PKP2: variants seen among roughly 807,000 people sequenced by gnomAD.
The protein encoded by PKP2 is plakophilin 2.
A neutral mutation model predicts 83.4 loss-of-function variants in PKP2; 73 were observed. The observed-to-expected ratio is 0.88, with a 90% CI of 0.72 to 1.06. The LOEUF is 1.06. PKP2 is among the 50% of genes least tolerant of loss of function. PKP2 has a pLI of 0.00. For synonymous variants in PKP2, 409 were observed against 430.4 expected (o/e 0.95, Z 0.62); for missense variants, 966 against 1,065.4 (o/e 0.91, Z 1.30).
intron 9 of PKP2, among the ~76,000 whole-genome samples, chr12:32,819,111 C>G (rs984171996): frequency 6.6e-6 from 1 of 151,802 alleles, no homozygotes; most frequent in Non-Finnish European, 1.5e-5. Context: ...AACCTCATCT[C>G]TACTAAAAAT....
intron 9 of PKP2, among the ~76,000 whole-genome samples, chr12:32,805,496 G>C (rs1956218895): frequency 6.6e-6 from 1 of 152,146 alleles, no homozygotes. Flanking sequence ...TACAAAGAAG[G>C]GGTCCAGTTT....
At chr12:32,824,966 C>G (rs1301812264) in intron 6 of PKP2, among the ~76,000 whole-genome samples, 1 of 152,076 alleles carries the variant, frequency 6.6e-6, no homozygotes, top group East Asian at 1.9e-4. Flanking sequence ...ATTATTGTTA[C>G]TACCTTCCTT....
At chr12:32,841,301 C>A in intron 5 of PKP2, 96 bp from the exon 6 acceptor site, 1 of 1,023,546 alleles carries the variant, frequency 9.8e-7, no homozygotes, top group Non-Finnish European at 1.5e-6. Context: ...AGGGCTATGA[C>A]TAGTCATAAA....
intron 6 of PKP2, among the ~76,000 whole-genome samples, chr12:32,837,356 C>G (rs1441792055): frequency 6.6e-6 from 1 of 152,194 alleles, no homozygotes; most frequent in Non-Finnish European, 1.5e-5. Context: ...CTCAACCTCT[C>G]TGAGGCTGTT....
Position 32,792,115 on chromosome 12 carries a change from TA to T in PKP2, c.*308del, listed in dbSNP as rs1956072854. On this transcript the variant is annotated 3_prime_UTR_variant, in exon 13 of 13. Transcript: ENST00000340811. ...CCAGTAATGCAACAGCTTCTTTCCT[TA>T]TTTATTGGATTAATGTCCCTTCCAC... is the stretch of plus-strand genomic sequence containing the variant. 1 of 411,254 alleles carries T rather than the reference TA, an allele frequency of 2.4e-6. No individual in the cohort carries two copies. The highest frequency in any genetic ancestry group is 2.3e-5 in the South Asian group (1 of 42,752). The allele number at this position is 411,254 out of a possible 1,614,324, so 25.5% of individuals were successfully genotyped here.
At chr12:32,794,412 T>C (rs1956102749) in intron 11 of PKP2, among the ~76,000 whole-genome samples, 1 of 152,206 alleles carries the variant, frequency 6.6e-6, no homozygotes, top group African/African-American at 2.4e-5. Flanking sequence ...AGGTCAGATA[T>C]ATAACACTCT....
chr12:32,857,990 G>C (rs1487422441), intron 4 of PKP2, among the ~76,000 whole-genome samples: 2 of 141,588 alleles, frequency 1.4e-5, no homozygotes, highest in Admixed American at 1.5e-4. Context: ...CACTTTGAGA[G>C]GCTGAGGTGA....
At chr12:32,871,599 G>A (rs191759726) in intron 3 of PKP2, among the ~76,000 whole-genome samples, 127 of 152,076 alleles carry the variant, frequency 8.4e-4, no homozygotes, top group African/African-American at 3.0e-3. Context: ...CAGAGTAGCT[G>A]GGATTACAAG....
chr12:32,827,724 G>A (rs1028656272), intron 6 of PKP2, among the ~76,000 whole-genome samples: 2 of 152,054 alleles, frequency 1.3e-5, no homozygotes, highest in Non-Finnish European at 2.9e-5. Flanking sequence ...TTACCTTATC[G>A]AAAATTAAAA....
chr12:32,806,734 T>C (rs997197698), intron 9 of PKP2, among the ~76,000 whole-genome samples: 20 of 142,142 alleles, frequency 1.4e-4, no homozygotes, highest in Non-Finnish European at 2.4e-4. Context: ...CACTCTGATC[T>C]TGGCTATTTC....
intron 4 of PKP2, among the ~76,000 whole-genome samples, chr12:32,868,444 T>C (rs1163278153): frequency 6.6e-6 from 1 of 152,196 alleles, no homozygotes; most frequent in Non-Finnish European, 1.5e-5. Flanking sequence ...CTTGAACTCC[T>C]TGCCTCAAGT....
intron 1 of PKP2, among the ~76,000 whole-genome samples, chr12:32,895,364 T>A (rs1957113137): frequency 6.6e-6 from 1 of 152,198 alleles, no homozygotes; most frequent in Admixed American, 6.5e-5. Context: ...CAGTACAGCC[T>A]CCCAGACTCT....
chr12:32,877,902 T>C lies in PKP2; in HGVS notation c.978A>G (p.Ala326=), dbSNP rs775137004. 26 of 1,614,154 alleles carry C rather than the reference T, an allele frequency of 1.6e-5. 1 individual carries two copies. In the Middle Eastern group the frequency reaches 4.9e-4, roughly 31 times the overall value. ...CAGTGAGCAGATTCCCACTTCCCCCTGCGGCCGCCTGGCCGACAGTCAAGT... is the reference window on the plus strand; with the variant it reads ...CAGTGAGCAGATTCCCACTTCCCCCCGCGGCCGCCTGGCCGACAGTCAAGT... ...RAHLTVGQAA[A]GGSGNLLTER... is the part of the protein sequence containing the mutation. The change falls in exon 3 of 13, where the codon GCA becomes GCG. Residue 326 remains alanine, a synonymous_variant. Coordinates refer to ENST00000340811, the MANE Select transcript of PKP2 (RefSeq NM_001005242.3).
intron 1 of PKP2, among the ~76,000 whole-genome samples, chr12:32,884,121 A>G (rs1403910544): frequency 6.6e-6 from 1 of 152,208 alleles, no homozygotes; most frequent in African/African-American, 2.4e-5. Flanking sequence ...GATCAGGCCC[A>G]CCTTTGTCTC....
intron 4 of PKP2, among the ~76,000 whole-genome samples, chr12:32,855,134 T>C (rs1956733965): frequency 6.6e-6 from 1 of 152,216 alleles, no homozygotes; most frequent in Non-Finnish European, 1.5e-5. Context: ...GTAACTTTTA[T>C]TGGGAAACAA....
intron 1 of PKP2, among the ~76,000 whole-genome samples, chr12:32,880,629 G>C (rs985677513): frequency 6.6e-6 from 1 of 152,126 alleles, no homozygotes; most frequent in Non-Finnish European, 1.5e-5. Flanking sequence ...TGAAAACACA[G>C]ACAGCAGCCA....
chr12:32,875,019 G>A (rs113221253), intron 3 of PKP2, among the ~76,000 whole-genome samples: 3,360 of 152,202 alleles, frequency 0.022, 98 homozygotes, highest in African/African-American at 0.077. Flanking sequence ...AAAGTGCTAG[G>A]ATTACAGATG....
chr12:32,888,212 G>A (rs1039542044), intron 1 of PKP2, among the ~76,000 whole-genome samples: 2 of 152,148 alleles, frequency 1.3e-5, no homozygotes, highest in Non-Finnish European at 2.9e-5. Flanking sequence ...TTCTGTAACT[G>A]TGTCTTTACT....
At position 32,821,473 on chromosome 12, in the gene PKP2, C is replaced by A. The variant is rs193922673; in HGVS notation, c.1896G>T (p.Trp632Cys). The A allele has an allele frequency of 9.9e-6, 16 of 1,613,892 alleles. No individual in the cohort carries two copies. The highest frequency in any genetic ancestry group is 1.4e-5 in the Non-Finnish European group (16 of 1,179,950). ...EEKSNPKGVE[W>C]LWHSIVIRMY... ...TCCTTATAACAATGGAATGCCACAG[C>A]CACTCCACGCCCTTGGGGTTGCTCT... The change falls in exon 9 of 13, where the codon TGG (tryptophan) becomes TGT (cysteine). Residue 632 changes from tryptophan to cysteine, a missense_variant. By Grantham distance (215) the Trp-to-Cys change is radical (BLOSUM62 -2). Transcript: ENST00000340811.
Sources: gnomAD v4.1 joint callset for allele counts (sites outside exome capture counted in the v4.1 genomes callset) on GRCh38, gnomAD v4.1.1 for gene constraint, MANE v1.5 for transcripts, NCBI Gene and HGNC (gene_info 2026-07-23, HGNC 2026-07-21) for gene names.